CRYM: variants seen among roughly 807,000 people sequenced by gnomAD.
CRYM encodes the protein ketimine reductase mu-crystallin.
CRYM carries 18 observed loss-of-function variants against 32.9 expected under a neutral mutation model. The ratio of observed to expected loss-of-function variants is 0.55; its 90% CI spans 0.38 to 0.81. CRYM has a LOEUF of 0.81. CRYM is among the 30% of genes least tolerant of loss of function. CRYM has a pLI of 0.00. For missense variants in CRYM, 337 were observed against 393.5 expected, an observed-to-expected ratio of 0.86 and a Z score of 1.21; for synonymous variants, 153 against 152.4, an observed-to-expected ratio of 1.00 and a Z score of -0.03.
At chr16:21,268,557 T>G (rs1238663081) in intron 4 of CRYM, 1 of 152,160 alleles carries the variant, frequency 6.6e-6, no homozygotes, top group Admixed American at 6.5e-5. Context: ...GGAAACAAAC[T>G]TTATGTCTAA....
chr16:21,297,191 G>A (rs746753865), intron 1 of CRYM, among the ~76,000 whole-genome samples: 5 of 151,482 alleles, frequency 3.3e-5, no homozygotes, highest in Non-Finnish European at 5.9e-5. Flanking sequence ...TCAGGAGTTC[G>A]AGACCAGCCC....
chr16:21,290,186 CT>C (rs1960598674), intron 1 of CRYM, among the ~76,000 whole-genome samples: 1 of 152,146 alleles, frequency 6.6e-6, no homozygotes, highest in Non-Finnish European at 1.5e-5. Flanking sequence ...GAACTTTTTT[CT>C]TTTGCTGTTC....
At chr16:21,293,055 A>G (rs1309709732) in intron 1 of CRYM, among the ~76,000 whole-genome samples, 2 of 152,152 alleles carry the variant, frequency 1.3e-5, no homozygotes, top group Admixed American at 6.6e-5. Flanking sequence ...AGATAGATAG[A>G]TAGAATAAGA....
At position 21,258,841 on chromosome 16, in the gene CRYM, C is replaced by A. The variant is rs533525035; in HGVS notation, c.885G>T (p.Met295Ile). ...EKTTVFKSLG[M>I]AVEDTVAAKL... ...TGGCTGCAACTGTGTCTTCCACTGC[C>A]ATTCCTAGAATAGACAGAAATTTGG... Residue 295 changes from methionine to isoleucine, a missense_variant, in exon 8 of 8, where the codon ATG (methionine) becomes ATT (isoleucine). Transcript: ENST00000572914. The A allele has an allele frequency of 5.0e-6, 8 of 1,614,090 alleles. No individual in the cohort carries two copies. The highest frequency in any genetic ancestry group is 6.8e-6 in the Non-Finnish European group (8 of 1,179,990).
intron 3 of CRYM, among the ~76,000 whole-genome samples, 154 bp from the exon 4 acceptor site, chr16:21,270,045 T>A (rs1414188804): frequency 6.6e-6 from 1 of 152,144 alleles, no homozygotes; most frequent in Non-Finnish European, 1.5e-5. Context: ...TGTGTCTAGT[T>A]TCCCCCGTAT....
At chr16:21,273,725 T>C (rs889372375) in intron 3 of CRYM, among the ~76,000 whole-genome samples, 1 of 152,194 alleles carries the variant, frequency 6.6e-6, no homozygotes, top group Admixed American at 6.5e-5. Context: ...ATGCGTAAAA[T>C]GAGGCCATTA....
At position 21,277,633 on chromosome 16, in the gene CRYM, G is replaced by T; in HGVS notation, c.171-49C>A. ...TCAGCCCCTTCCCATCAATGCTGGGGTCTCTTAGAAAGTATCCATATACTT... is the reference window on the plus strand; with the variant it reads ...TCAGCCCCTTCCCATCAATGCTGGGTTCTCTTAGAAAGTATCCATATACTT... On this transcript the variant is annotated intron_variant, in intron 1 of 7. Transcript: ENST00000572914. The surrounding 1 kb of genome is among the most constrained non-coding windows in gnomAD (Gnocchi z 4.2). 1.2e-6 allele frequency: 2 copies of T among 1,604,968 alleles called. No individual in the cohort carries two copies. The highest frequency in any genetic ancestry group is 1.7e-6 in the Non-Finnish European group (2 of 1,174,988).
intron 1 of CRYM, among the ~76,000 whole-genome samples, chr16:21,292,793 T>C (rs1026060247): frequency 3.3e-5 from 5 of 152,084 alleles, no homozygotes; most frequent in African/African-American, 1.2e-4. Context: ...TTCACACATG[T>C]ATGGCCAATT....
At chr16:21,299,054 G>A (rs1441934859) in intron 1 of CRYM, among the ~76,000 whole-genome samples, 1 of 152,156 alleles carries the variant, frequency 6.6e-6, no homozygotes, top group African/African-American at 2.4e-5. Context: ...TAGAACAAGT[G>A]GCCTGACTTT....
Position 21,262,171 on chromosome 16 carries a change from A to G in CRYM, c.674-13T>C. On this transcript the variant is annotated splice_polypyrimidine_tract_variant and intron_variant, in intron 5 of 7. Transcript: ENST00000572914. ...CTGGCTCCAACAGCTAAGAGACAGC[A>G]AAACAGACCTTAAGCCCAGGATTAG... 2.5e-6 allele frequency: 4 copies of G among 1,614,002 alleles called. No individual in the cohort carries two copies. The highest frequency in any genetic ancestry group is 3.4e-6 in the Non-Finnish European group (4 of 1,179,904).
At position 21,277,363 on chromosome 16, in the gene CRYM, G is replaced by A; in HGVS notation, c.324+68C>T. The A allele has an allele frequency of 6.4e-7, 1 of 1,566,640 alleles. No homozygotes were observed. The highest frequency in any genetic ancestry group is 1.1e-5 in the South Asian group (1 of 89,274). Reference sequence around the variant, plus strand: ...CAATCAAGACTCCCCCTGCTGCGGAGAACTTACTTTTGAGCTTCAATCTGG... The same window carrying A: ...CAATCAAGACTCCCCCTGCTGCGGAAAACTTACTTTTGAGCTTCAATCTGG... On this transcript the variant is annotated intron_variant, in intron 2 of 7. Transcript: ENST00000572914. This position sits in a 1 kb window ranked among gnomAD's most constrained non-coding sequence, Gnocchi z 4.2.
At chr16:21,269,766 T>TA in intron 4 of CRYM, 24 bp downstream of exon 4, 1 of 690,476 alleles carries the variant, frequency 1.4e-6, no homozygotes, top group Non-Finnish European at 2.6e-6. Context: ...CCCTCTTCTC[T>TA]CCCACCCCCA....
In CRYM at chr16:21,277,403, T is replaced by C; in HGVS notation, c.324+28A>G. 6.2e-7 allele frequency: 1 copy of C among 1,610,788 alleles called. No homozygotes were observed. The highest frequency in any genetic ancestry group is 8.5e-7 in the Non-Finnish European group (1 of 1,179,726). The stretch of plus-strand genomic sequence containing the variant: ...CTTCAATCTGGGCCCAGGGGCCCCA[T>C]TCCACCCCGGGACAGGAAGTTGCTC... On this transcript the variant is annotated intron_variant, in intron 2 of 7. Coordinates refer to ENST00000572914, the MANE Select transcript of CRYM (RefSeq NM_001376256.1). The surrounding 1 kb of genome is among the most constrained non-coding windows in gnomAD (Gnocchi z 4.2).
upstream of CRYM, chr16:21,278,405 C>T (rs2093392122): frequency 2.3e-6 from 2 of 883,802 alleles, no homozygotes; most frequent in South Asian, 1.5e-5. Flanking sequence ...CCCCGCCAGC[C>T]CTCTCCTCCC....
intron 1 of CRYM, among the ~76,000 whole-genome samples, chr16:21,284,887 CCA>C (rs1387594239): frequency 3.3e-5 from 5 of 152,152 alleles, no homozygotes; most frequent in African/African-American, 1.2e-4. Context: ...ATTTACATTC[CCA>C]CCAACAGTGT....
intron 1 of CRYM, among the ~76,000 whole-genome samples, chr16:21,290,132 C>G (rs1213763074): frequency 6.6e-6 from 1 of 152,104 alleles, no homozygotes; most frequent in Non-Finnish European, 1.5e-5. Flanking sequence ...AAGCTGGCCA[C>G]CAGAGCCAGC....
chr16:21,262,182 T>G lies in CRYM; in HGVS notation c.674-24A>C, dbSNP rs778107530. 57 of 1,613,610 alleles carry G rather than the reference T, an allele frequency of 3.5e-5. 1 individual carries two copies. The South Asian group carries it at 4.5e-4, about 13-fold the overall frequency. On this transcript the variant is annotated intron_variant, in intron 5 of 7. Coordinates refer to ENST00000572914, the MANE Select transcript of CRYM (RefSeq NM_001376256.1). ...AGCTAAGAGACAGCAAAACAGACCTTAAGCCCAGGATTAGTGCCAAAGGCT... is the reference window on the plus strand; with the variant it reads ...AGCTAAGAGACAGCAAAACAGACCTGAAGCCCAGGATTAGTGCCAAAGGCT...
Position 21,262,167 on chromosome 16 carries a change from C to T in CRYM, c.674-9G>A. ...TCTGCTGGCTCCAACAGCTAAGAGACAGCAAAACAGACCTTAAGCCCAGGA... is the reference window on the plus strand; with the variant it reads ...TCTGCTGGCTCCAACAGCTAAGAGATAGCAAAACAGACCTTAAGCCCAGGA... On this transcript the variant is annotated splice_polypyrimidine_tract_variant and intron_variant, in intron 5 of 7. Coordinates refer to ENST00000572914, the MANE Select transcript of CRYM (RefSeq NM_001376256.1). 1 of 1,613,984 alleles carries T rather than the reference C, an allele frequency of 6.2e-7. No individual in the cohort carries two copies.
chr16:21,301,615 G>A (rs529182956), intron 1 of CRYM, among the ~76,000 whole-genome samples: 208 of 152,338 alleles, frequency 1.4e-3, no homozygotes, highest in Admixed American at 2.4e-3. Context: ...GTGCGGAAGA[G>A]GGACTGAGGA....
Sources: allele counts gnomAD v4.1 joint callset (sites outside exome capture counted in the v4.1 genomes callset), GRCh38; gene constraint gnomAD v4.1.1; non-coding constraint Gnocchi (gnomAD v3.1); transcripts MANE v1.5; gene names NCBI Gene and HGNC (gene_info 2026-07-23, HGNC 2026-07-21).